KCNJ6: variants seen among roughly 807,000 people sequenced by gnomAD.
The protein encoded by KCNJ6 is G protein-activated inward rectifier potassium channel 2.
Under a neutral mutation model 34.2 loss-of-function variants are expected in KCNJ6, and 9 were observed. The ratio of observed to expected loss-of-function variants is 0.26; its 90% CI spans 0.16 to 0.46. The LOEUF (loss-of-function observed/expected upper bound fraction) is 0.46, where lower values mean the gene tolerates loss of function less well. Among genes scored for constraint, KCNJ6 ranks in the 20% least tolerant of loss-of-function variants. The pLI, the probability that KCNJ6 is intolerant of heterozygous loss-of-function variation, is 1.00. For synonymous variants in KCNJ6, 196 were observed against 207.1 expected (o/e 0.95, Z 0.46); for missense variants, 236 against 531.3 (o/e 0.44, Z 5.46).
intron 2 of KCNJ6, among the ~76,000 whole-genome samples, chr21:37,834,920 C>T (rs755768089): frequency 7.9e-5 from 12 of 152,132 alleles, no homozygotes; most frequent in South Asian, 6.2e-4. Flanking sequence ...AGCTGCTGCT[C>T]TGTTATTTAT....
intron 3 of KCNJ6, among the ~76,000 whole-genome samples, chr21:37,689,321 A>G (rs1189736895): frequency 0.022 from 1 of 46 alleles, no homozygotes; most frequent in Admixed American, 0.5. Context: ...CATACTAAAA[A>G]GTCTGATGGA....
intron 2 of KCNJ6, among the ~76,000 whole-genome samples, chr21:37,803,456 T>C (rs936012395): frequency 2.0e-5 from 3 of 152,214 alleles, no homozygotes; most frequent in Non-Finnish European, 2.9e-5. Flanking sequence ...TCATGGTATA[T>C]AGTGAGTCGG....
rs1461096278 is a variant in KCNJ6, at chr21:37,612,091, A to G, written c.*13068T>C. ...TGATCATCTATGTAGAAAATCTGAAATAACTGACCAAAAAACAAAACAAAA... is the reference window on the plus strand; with the variant it reads ...TGATCATCTATGTAGAAAATCTGAAGTAACTGACCAAAAAACAAAACAAAA... On this transcript the variant is annotated 3_prime_UTR_variant, in exon 4 of 4. Transcript: ENST00000609713. 6.6e-6 allele frequency: 1 copy of G among 152,248 alleles called. No individual in the cohort carries two copies. Among genetic ancestry groups the G allele is most frequent in the Non-Finnish European group, 1.5e-5 (1 of 68,036 alleles). The allele number at this position is 152,248 out of a possible 1,614,324, so 9.4% of individuals were successfully genotyped here.
chr21:37,882,999 T>G (rs934288365), intron 1 of KCNJ6, among the ~76,000 whole-genome samples: 7 of 152,246 alleles, frequency 4.6e-5, no homozygotes, highest in African/African-American at 1.4e-4. Context: ...TATGCTCATG[T>G]GCCTGTGTGT....
intron 1 of KCNJ6, among the ~76,000 whole-genome samples, chr21:37,846,322 G>A (rs547945248): frequency 1.3e-5 from 2 of 151,562 alleles, no homozygotes; most frequent in East Asian, 1.9e-4. Flanking sequence ...ATAACAGTCT[G>A]ACTTTAGCTC....
At position 37,608,846 on chromosome 21, in the gene KCNJ6, T is replaced by C. The variant is rs542794471; in HGVS notation, c.*16313A>G. On this transcript the variant is annotated 3_prime_UTR_variant, in exon 4 of 4. Coordinates refer to ENST00000609713, the MANE Select transcript of KCNJ6 (RefSeq NM_002240.5). ...CACTGTACTGCAAGTGTTCACTGAG[T>C]GCTCATGGCCAGCACTCAGGCAAGT... 8.5e-5 allele frequency: 13 copies of C among 152,296 alleles called. No individual in the cohort carries two copies. Among genetic ancestry groups the C allele is most frequent in the African/African-American group, 2.9e-4 (12 of 41,560 alleles). The allele number at this position is 152,296 out of a possible 1,614,324, so 9.4% of individuals were successfully genotyped here. A position where few individuals can be genotyped will look rare whatever the true frequency, so the allele number is the denominator to read the frequency against.
At chr21:37,812,681 T>C (rs987057886) in intron 2 of KCNJ6, among the ~76,000 whole-genome samples, 1 of 152,174 alleles carries the variant, frequency 6.6e-6, no homozygotes, top group Non-Finnish European at 1.5e-5. Context: ...ATCATGTCAA[T>C]TGAGGCTGAG....
chr21:37,821,314 A>T (rs910579351), intron 2 of KCNJ6, among the ~76,000 whole-genome samples: 2 of 152,196 alleles, frequency 1.3e-5, no homozygotes, highest in Non-Finnish European at 2.9e-5. Context: ...TCCCATTTTC[A>T]ACAACCCAAA....
chr21:37,816,613 T>C (rs1409073066), intron 2 of KCNJ6, among the ~76,000 whole-genome samples: 2 of 152,342 alleles, frequency 1.3e-5, no homozygotes, highest in East Asian at 3.9e-4. Flanking sequence ...TTTGCTGGGC[T>C]GGGTCAGGGC....
At chr21:37,727,755 AAGATGGGGG>A (rs1399191693) in intron 2 of KCNJ6, among the ~76,000 whole-genome samples, 1 of 152,162 alleles carries the variant, frequency 6.6e-6, no homozygotes, top group Non-Finnish European at 1.5e-5. Flanking sequence ...GGAACGGAGA[AAGATGGGGG>A]AGAAACAGAA....
At chr21:37,726,954 T>C (rs111244691) in intron 2 of KCNJ6, among the ~76,000 whole-genome samples, 2,080 of 152,110 alleles carry the variant, frequency 0.014, 47 homozygotes, top group African/African-American at 0.047. Flanking sequence ...ATAAATAAGG[T>C]AGGGGTCAAT....
At chr21:37,776,324 T>C (rs1252760017) in intron 2 of KCNJ6, among the ~76,000 whole-genome samples, 8 of 152,208 alleles carry the variant, frequency 5.3e-5, no homozygotes, top group African/African-American at 7.2e-5. Context: ...CTTTTCCTAA[T>C]TGAATACCCT....
intron 1 of KCNJ6, among the ~76,000 whole-genome samples, chr21:37,890,164 GA>G: frequency 6.6e-6 from 1 of 152,292 alleles, no homozygotes; most frequent in African/African-American, 2.4e-5. Flanking sequence ...GGAGGCCTCA[GA>G]AAACTTACAA....
intron 2 of KCNJ6, among the ~76,000 whole-genome samples, chr21:37,763,451 C>T (rs968274486): frequency 5.9e-5 from 9 of 152,182 alleles, no homozygotes; most frequent in Non-Finnish European, 1.0e-4. Flanking sequence ...TCCCCACCCC[C>T]GCCTTGATGT....
chr21:37,716,746 G>A (rs1233981992), intron 2 of KCNJ6, among the ~76,000 whole-genome samples: 1 of 152,126 alleles, frequency 6.6e-6, no homozygotes, highest in Non-Finnish European at 1.5e-5. Flanking sequence ...TAATGCATTA[G>A]GAAAGCTCTC....
At chr21:37,644,212 T>C (rs951655151) in intron 3 of KCNJ6, among the ~76,000 whole-genome samples, 7 of 151,956 alleles carry the variant, frequency 4.6e-5, no homozygotes, top group Non-Finnish European at 1.0e-4. Context: ...CAACACACAC[T>C]GGGGCCTGGT....
At chr21:37,651,357 A>T (rs2123387853) in intron 3 of KCNJ6, among the ~76,000 whole-genome samples, 1 of 152,346 alleles carries the variant, frequency 6.6e-6, no homozygotes, top group East Asian at 1.9e-4. Context: ...TAAAAGCAGT[A>T]AGAAGGCATT....
At chr21:37,627,707 A>T (rs551427478) in intron 3 of KCNJ6, among the ~76,000 whole-genome samples, 1 of 152,222 alleles carries the variant, frequency 6.6e-6, no homozygotes, top group African/African-American at 2.4e-5. Context: ...GACCACATGC[A>T]TGTGTAAGGC....
intron 1 of KCNJ6, among the ~76,000 whole-genome samples, chr21:37,853,835 C>CATATATATGTGTATATATATATAT (rs1399366665): frequency 1.4e-3 from 59 of 43,226 alleles, no homozygotes; most frequent in Non-Finnish European, 2.0e-3. Context: ...TTAAGAGATA[C>CATATATATGTGTATATATATATAT]ATATATATAT....
Sources: gnomAD v4.1 joint callset for allele counts (sites outside exome capture counted in the v4.1 genomes callset) on GRCh38, gnomAD v4.1.1 for gene constraint, MANE v1.5 for transcripts, NCBI Gene and HGNC (gene_info 2026-07-23, HGNC 2026-07-21) for gene names.